LSAMP: variants seen among roughly 807,000 people sequenced by gnomAD.
LSAMP encodes limbic system associated membrane protein.
LSAMP carries 7 observed loss-of-function variants against 38.6 expected under a neutral mutation model. The ratio of observed to expected loss-of-function variants is 0.18; its 90% confidence interval spans 0.10 to 0.34. The LOEUF is 0.34. Ranked by LOEUF, LSAMP falls within the 10% of genes least tolerant of loss-of-function variation. LSAMP has a pLI of 1.00. For missense variants in LSAMP, 313 were observed against 420.0 expected (o/e 0.75, Z 2.23); for synonymous variants, 154 against 166.8 (o/e 0.92, Z 0.59).
chr3:116,323,855 T>C (rs1272302281), intron 1 of LSAMP, among the ~76,000 whole-genome samples: 2 of 152,136 alleles, frequency 1.3e-5, no homozygotes, highest in Admixed American at 1.3e-4. Flanking sequence ...CCCTTCTTTA[T>C]GTATTGCTCA....
intron 6 of LSAMP, among the ~76,000 whole-genome samples, chr3:115,818,821 T>TATATATATATAA (rs1172422801): frequency 1.6e-5 from 2 of 124,220 alleles, no homozygotes; most frequent in Non-Finnish European, 3.4e-5. Flanking sequence ...TATATATATA[T>TATATATATATAA]AACTGCAGCA....
chr3:115,924,127 T>A (rs2107527881), intron 3 of LSAMP, among the ~76,000 whole-genome samples: 1 of 152,256 alleles, frequency 6.6e-6, no homozygotes, highest in South Asian at 2.1e-4. Flanking sequence ...ATACTAAAGT[T>A]TTGAATTTTT....
chr3:116,041,923 T>C (rs1466894507), intron 2 of LSAMP, among the ~76,000 whole-genome samples: 3 of 152,176 alleles, frequency 2.0e-5, no homozygotes, highest in Non-Finnish European at 2.9e-5. Flanking sequence ...GTTATTTTAC[T>C]TGGATATGTT....
At chr3:116,398,409 G>C (rs1456844453) in intron 1 of LSAMP, among the ~76,000 whole-genome samples, 2 of 152,192 alleles carry the variant, frequency 1.3e-5, no homozygotes, top group African/African-American at 4.8e-5. Flanking sequence ...GTCCATAGGA[G>C]AGTATCTGGC....
chr3:116,235,324 T>C (rs1171493300), intron 1 of LSAMP, among the ~76,000 whole-genome samples: 1 of 152,006 alleles, frequency 6.6e-6, no homozygotes, highest in Non-Finnish European at 1.5e-5. Context: ...CTATGTTGCA[T>C]AGACTGGTCT....
At chr3:115,896,167 T>C (rs1470971148) in intron 3 of LSAMP, among the ~76,000 whole-genome samples, 1 of 152,106 alleles carries the variant, frequency 6.6e-6, no homozygotes, top group African/African-American at 2.4e-5. Context: ...CTAATTTTTC[T>C]AAAATTCTCT....
At chr3:115,837,990 T>C (rs1934851218) in intron 6 of LSAMP, 1 of 152,202 alleles carries the variant, frequency 6.6e-6, no homozygotes, top group Non-Finnish European at 1.5e-5. Context: ...GCACTAAGTT[T>C]AATATGGTGG....
chr3:115,961,968 A>G (rs529489109), intron 3 of LSAMP, among the ~76,000 whole-genome samples: 39 of 152,306 alleles, frequency 2.6e-4, no homozygotes, highest in Non-Finnish European at 4.6e-4. Flanking sequence ...TGGGTCCTGG[A>G]ACTACCTGTT....
intron 3 of LSAMP, among the ~76,000 whole-genome samples, chr3:115,918,068 C>A (rs1185957796): frequency 6.6e-6 from 1 of 152,176 alleles, no homozygotes. Context: ...TCAGGTTCAA[C>A]TGCACATTTT....
chr3:115,818,023 G>T (rs1934086000), intron 6 of LSAMP, among the ~76,000 whole-genome samples: 1 of 152,190 alleles, frequency 6.6e-6, no homozygotes, highest in Non-Finnish European at 1.5e-5. Context: ...AAAACATGAG[G>T]AAACTGAGGC....
intron 3 of LSAMP, among the ~76,000 whole-genome samples, chr3:115,930,454 A>G (rs543356031): frequency 6.6e-6 from 1 of 152,228 alleles, no homozygotes; most frequent in South Asian, 2.1e-4. Flanking sequence ...CTACTAGGGA[A>G]AGGAGAATAA....
intron 1 of LSAMP, among the ~76,000 whole-genome samples, chr3:116,156,512 A>G (rs1339896739): frequency 3.3e-5 from 5 of 152,128 alleles, no homozygotes; most frequent in Admixed American, 2.0e-4. Context: ...CGGTGGACAG[A>G]AAGTGTGATG....
At chr3:115,853,776 ACT>A (rs1935408066) in intron 3 of LSAMP, among the ~76,000 whole-genome samples, 2 of 152,300 alleles carry the variant, frequency 1.3e-5, no homozygotes, top group South Asian at 4.1e-4. Flanking sequence ...TCAAAACTCC[ACT>A]GTTACACGAG....
chr3:115,827,056 T>A (rs2107475927), intron 6 of LSAMP, among the ~76,000 whole-genome samples: 1 of 152,132 alleles, frequency 6.6e-6, no homozygotes, highest in Non-Finnish European at 1.5e-5. Context: ...TAAAACAAAT[T>A]TCCCAAGTTA....
intron 1 of LSAMP, among the ~76,000 whole-genome samples, chr3:116,098,787 C>T (rs1708281577): frequency 6.6e-6 from 1 of 152,072 alleles, no homozygotes; most frequent in South Asian, 2.1e-4. Flanking sequence ...GGAGGCCTGT[C>T]TCTTTCTCTT....
chr3:116,158,979 C>T (rs943514712), intron 1 of LSAMP, among the ~76,000 whole-genome samples: 4 of 151,930 alleles, frequency 2.6e-5, no homozygotes, highest in Admixed American at 1.3e-4. Flanking sequence ...ATGTGATCTT[C>T]GACAAAGTCA....
At chr3:115,838,802 T>A (rs1934882488) in intron 6 of LSAMP, among the ~76,000 whole-genome samples, 1 of 152,202 alleles carries the variant, frequency 6.6e-6, no homozygotes, top group South Asian at 2.1e-4. Context: ...GGGAAGTGTA[T>A]GTATGCATGT....
chr3:115,905,478 G>A (rs1936985846), intron 3 of LSAMP, among the ~76,000 whole-genome samples: 1 of 151,974 alleles, frequency 6.6e-6, no homozygotes, highest in Non-Finnish European at 1.5e-5. Context: ...AAATGTACCT[G>A]TTCAGTTTTT....
At chr3:115,883,880 G>A (rs1021894975) in intron 3 of LSAMP, among the ~76,000 whole-genome samples, 8 of 151,930 alleles carry the variant, frequency 5.3e-5, no homozygotes, top group Non-Finnish European at 1.0e-4. Context: ...TAAAATAAGA[G>A]AGTGAATGGA....
Sources: allele counts gnomAD v4.1 joint callset (sites outside exome capture counted in the v4.1 genomes callset), GRCh38; gene constraint gnomAD v4.1.1; transcripts MANE v1.5; gene names NCBI Gene and HGNC (gene_info 2026-07-23, HGNC 2026-07-21).